Variants in SMG1 observed in about 807,000 individuals in gnomAD.
SMG1 encodes SMG1 nonsense mediated mRNA decay associated PI3K related kinase.
A neutral mutation model predicts 419.9 loss-of-function variants in SMG1; 22 were observed. The observed-to-expected ratio is 0.05, with a 90% CI of 0.04 to 0.07. The LOEUF is 0.07. SMG1 is among the 10% of genes least tolerant of loss of function. The pLI, the probability that SMG1 is intolerant of heterozygous loss-of-function variation, is 1.00. For missense variants in SMG1, 3,185 were observed against 4,342.0 expected (o/e 0.73, Z 7.49); for synonymous variants, 1,538 against 1,553.5 (o/e 0.99, Z 0.23).
At chr16:18,838,257 TAAG>T in intron 44 of SMG1, 25 bp from the exon 45 acceptor site, 1 of 1,609,444 alleles carries the variant, frequency 6.2e-7, no homozygotes, top group Non-Finnish European at 8.5e-7. Flanking sequence ...GTTTTTAAAA[TAAG>T]GTCTGCCACA....
Position 18,896,897 on chromosome 16 carries a change from C to T in SMG1, c.152G>A (p.Gly51Asp), listed in dbSNP as rs2037153243. 6.2e-7 allele frequency: 1 copy of T among 1,605,668 alleles called. No homozygotes were observed. Among genetic ancestry groups the T allele is most frequent in the South Asian group, 1.1e-5 (1 of 90,248 alleles). The change falls in exon 2 of 63, where the codon GGT becomes GAT. Residue 51 changes from glycine (G) to aspartate (D), a missense_variant. By Grantham distance (94) the Gly-to-Asp change is moderately conservative. Coordinates refer to ENST00000446231, the MANE Select transcript of SMG1 (RefSeq NM_015092.5). ...TTGCAGTCCATAAGAGGAAGAACCACCTCTATCTCTGGATGAAGAATATTT... is the reference window on the plus strand; with the variant it reads ...TTGCAGTCCATAAGAGGAAGAACCATCTCTATCTCTGGATGAAGAATATTT... ...NLKYSSSRDR[G>D]GSSSYGLQPS...
chr16:18,891,849 T>C (rs1267110081), intron 4 of SMG1, among the ~76,000 whole-genome samples: 6 of 152,242 alleles, frequency 3.9e-5, no homozygotes, highest in South Asian at 2.1e-4. Context: ...GTCGCCCAGG[T>C]TGACATGCAG....
chr16:18,861,928 T>C (rs1269453251), intron 25 of SMG1, among the ~76,000 whole-genome samples: 2 of 152,202 alleles, frequency 1.3e-5, no homozygotes, highest in African/African-American at 4.8e-5. Flanking sequence ...AGTTAATCTA[T>C]CAATGTTCTT....
intron 41 of SMG1, among the ~76,000 whole-genome samples, chr16:18,841,122 A>G (rs189488777): frequency 6.6e-6 from 1 of 152,006 alleles, no homozygotes; most frequent in East Asian, 1.9e-4. Flanking sequence ...CCTCAAGGCC[A>G]GATGCGGTGG....
At chr16:18,892,159 T>C (rs1040555291) in intron 4 of SMG1, 59 bp downstream of exon 4, 2 of 1,103,472 alleles carry the variant, frequency 1.8e-6, no homozygotes, top group African/African-American at 1.6e-5. Flanking sequence ...CAAGGTAGCA[T>C]TACCTAGTTT....
intron 1 of SMG1, among the ~76,000 whole-genome samples, chr16:18,907,845 C>CAA (rs71141092): frequency 0.084 from 4,605 of 54,554 alleles, 431 homozygotes; most frequent in Middle Eastern, 0.12. Context: ...GAACGAGACT[C>CAA]AAAAAAAAAA....
At chr16:18,921,040 A>C (rs1314065584) in intron 1 of SMG1, among the ~76,000 whole-genome samples, 1 of 151,774 alleles carries the variant, frequency 6.6e-6, no homozygotes, top group East Asian at 1.9e-4. Flanking sequence ...TGGGAGGCTG[A>C]GACAGGAGAA....
At chr16:18,872,082 C>T (rs2035853535) in intron 15 of SMG1, 102 bp downstream of exon 15, 2 of 655,652 alleles carry the variant, frequency 3.1e-6, no homozygotes, top group Non-Finnish European at 4.9e-6. Flanking sequence ...CCTCTATAAT[C>T]CACATTTTTA....
chr16:18,828,163 T>C lies in SMG1; in HGVS notation c.9609A>G (p.Gln3203=), dbSNP rs753233945. Residue 3203 remains glutamine, a synonymous_variant, in exon 55 of 63, where the codon CAA becomes CAG. Coordinates refer to ENST00000446231, the MANE Select transcript of SMG1 (RefSeq NM_015092.5). Reference sequence around the variant, plus strand: ...GTCTATTGATAAGTAGATCTTCATGTTGCCACTGTTGAGAGAAAAAGAAAT... The same window carrying C: ...GTCTATTGATAAGTAGATCTTCATGCTGCCACTGTTGAGAGAAAAAGAAAT... The part of the protein sequence containing the change: ...VQLHIAMFQW[Q]HEDLLINRPQ... 2 of 1,613,218 alleles carry C rather than the reference T, an allele frequency of 1.2e-6. No homozygotes were observed. Among genetic ancestry groups the C allele is most frequent in the Admixed American group, 1.7e-5 (1 of 59,932 alleles).
intron 21 of SMG1, 58 bp downstream of exon 21, chr16:18,868,465 T>TA (rs1398925030): frequency 6.8e-7 from 1 of 1,474,650 alleles, no homozygotes; most frequent in African/African-American, 1.4e-5. Flanking sequence ...GCTCTGCACA[T>TA]ACTGCCAGCT....
At chr16:18,913,871 G>A (rs534364562) in intron 1 of SMG1, among the ~76,000 whole-genome samples, 229 of 152,128 alleles carry the variant, frequency 1.5e-3, no homozygotes, top group African/African-American at 5.4e-3. Flanking sequence ...TCTGGTACCA[G>A]AAATCCCTCT....
chr16:18,866,901 T>C lies in SMG1; in HGVS notation c.3196-126A>G, dbSNP rs1273382663. The C allele has an allele frequency of 7.7e-6, 5 of 650,440 alleles. No homozygotes were observed. The African/African-American group carries it at 9.1e-5, about 12-fold the overall frequency. The allele number at this position is 650,440 out of a possible 1,614,324, so 40.3% of individuals were successfully genotyped here. ...TATTTAACAATTATTTTCACAATTT[T>C]CACATTATTTAGCTCAGAATTCTTT... On this transcript the variant is annotated intron_variant, in intron 22 of 62. Coordinates refer to ENST00000446231, the MANE Select transcript of SMG1 (RefSeq NM_015092.5).
chr16:18,813,623 T>C (rs2031690210), intron 60 of SMG1, among the ~76,000 whole-genome samples: 1 of 152,234 alleles, frequency 6.6e-6, no homozygotes, highest in Non-Finnish European at 1.5e-5. Context: ...GCCTGTTCAC[T>C]CTGATGGTAG....
intron 39 of SMG1, among the ~76,000 whole-genome samples, chr16:18,842,973 A>ATTCCTTT: frequency 6.6e-6 from 1 of 152,126 alleles, no homozygotes; most frequent in Non-Finnish European, 1.5e-5. Context: ...CTTTGTTAAG[A>ATTCCTTT]CTCTTTCTTT....
rs746844620 is a variant in SMG1, at chr16:18,832,894, G to A, written c.8792+46C>T. 3 of 1,516,546 alleles carry A rather than the reference G, an allele frequency of 2.0e-6. No homozygotes were observed. The South Asian group carries it at 3.4e-5, about 17-fold the overall frequency. The allele number at this position is 1,516,546 out of a possible 1,614,324, so 93.9% of individuals were successfully genotyped here. A position where few individuals can be genotyped will look rare whatever the true frequency, so the allele number is the denominator to read the frequency against. On this transcript the variant is annotated intron_variant, in intron 51 of 62. Coordinates refer to ENST00000446231, the MANE Select transcript of SMG1 (RefSeq NM_015092.5). ...GAGCTCAGAATCCCTTTCTCTGGCTGTCCCATCTCTTTTACAAGGAAACGG... is the reference window on the plus strand; with the variant it reads ...GAGCTCAGAATCCCTTTCTCTGGCTATCCCATCTCTTTTACAAGGAAACGG...
chr16:18,876,052 G>C lies in SMG1; in HGVS notation c.1890+72C>G. On this transcript the variant is annotated intron_variant, in intron 13 of 62. Coordinates refer to ENST00000446231, the MANE Select transcript of SMG1 (RefSeq NM_015092.5). ...TCTGCAGACATCTTGACATGACAGT[G>C]AAATACATAAATATGTAATGAGAAA... is the stretch of plus-strand genomic sequence containing the variant. 3.3e-6 allele frequency: 5 copies of C among 1,498,832 alleles called. No homozygotes were observed. In the South Asian group the frequency reaches 5.8e-5, roughly 17 times the overall value. 92.8% of individuals were successfully genotyped at this position (1,498,832 alleles called of 1,614,324 possible).
At chr16:18,844,330 G>A (rs1046161661) in intron 39 of SMG1, among the ~76,000 whole-genome samples, 2 of 151,924 alleles carry the variant, frequency 1.3e-5, no homozygotes, top group African/African-American at 4.8e-5. Context: ...ACGGGAGGCT[G>A]AGGCAGGAGA....
chr16:18,885,382 T>A lies in SMG1; in HGVS notation c.948+159A>T, dbSNP rs1186340518. 21 of 915,300 alleles carry A rather than the reference T, an allele frequency of 2.3e-5. No homozygotes were observed. In the Admixed American group the frequency reaches 4.0e-4, roughly 18 times the overall value. 56.7% of individuals were successfully genotyped at this position (915,300 alleles called of 1,614,324 possible). On this transcript the variant is annotated intron_variant, in intron 7 of 62. Transcript: ENST00000446231. ...TTCTTCAAATATTTTAAGGTATGAATGTCAGAAAGAAAAATGCGGTATTTA... is the reference window on the plus strand; with the variant it reads ...TTCTTCAAATATTTTAAGGTATGAAAGTCAGAAAGAAAAATGCGGTATTTA...
At chr16:18,903,470 C>T (rs993388968) in intron 1 of SMG1, among the ~76,000 whole-genome samples, 1 of 152,172 alleles carries the variant, frequency 6.6e-6, no homozygotes, top group Admixed American at 6.5e-5. Flanking sequence ...CTTTCTGCAC[C>T]TTCTTCCTTC....
Sources: gnomAD v4.1 joint callset for allele counts (sites outside exome capture counted in the v4.1 genomes callset) on GRCh38, gnomAD v4.1.1 for gene constraint, MANE v1.5 for transcripts, NCBI Gene and HGNC (gene_info 2026-07-23, HGNC 2026-07-21) for gene names.